Variants in CLSTN1 observed in about 807,000 individuals in gnomAD.
The protein encoded by CLSTN1 is calsyntenin 1.
Under a neutral mutation model 108.3 loss-of-function variants are expected in CLSTN1, and 28 were observed. The observed-to-expected ratio is 0.26, with a 90% confidence interval of 0.19 to 0.35. The LOEUF (loss-of-function observed/expected upper bound fraction) is 0.35, where lower values mean the gene tolerates loss of function less well. Ranked by LOEUF, CLSTN1 falls within the 10% of genes least tolerant of loss-of-function variation. The pLI, the probability that CLSTN1 is intolerant of heterozygous loss-of-function variation, is 1.00. For synonymous variants in CLSTN1, 524 were observed against 534.9 expected (o/e 0.98, Z 0.28); for missense variants, 1,157 against 1,302.6 (o/e 0.89, Z 1.72).
intron 12 of CLSTN1, 78 bp from the exon 13 acceptor site, chr1:9,735,693 AGGGGACTGGCCT>A: frequency 6.3e-7 from 1 of 1,585,698 alleles, no homozygotes; most frequent in South Asian, 1.1e-5. Flanking sequence ...GCCTCCACAA[AGGGGACTGGCCT>A]GGGTTCGATT....
At position 9,822,384 on chromosome 1, in the gene CLSTN1, C is replaced by G. The variant is rs146634483; in HGVS notation, c.91+1259G>C. Among the ~76,000 whole-genome samples, 99 of 152,286 alleles carry G rather than the reference C, an allele frequency of 6.5e-4. No individual in the cohort carries two copies. In the East Asian group the frequency reaches 7.9e-3, roughly 12 times the overall value. On this transcript the variant is annotated intron_variant, in intron 1 of 18. Transcript: ENST00000377298. ...AGAAAGGAACATGGAACAAAAGATG[C>G]ATTTGCCGCCTCTGCCCTTTAATTC...
At chr1:9,817,494 A>C (rs531351088) in intron 1 of CLSTN1, among the ~76,000 whole-genome samples, 57 of 151,906 alleles carry the variant, frequency 3.8e-4, no homozygotes, top group Non-Finnish European at 7.7e-4. Context: ...CACCCGGCTA[A>C]TTTTATATTT....
intron 1 of CLSTN1, among the ~76,000 whole-genome samples, chr1:9,778,671 C>T (rs978225017): frequency 1.3e-5 from 2 of 151,948 alleles, no homozygotes; most frequent in Non-Finnish European, 2.9e-5. Context: ...CTTTGAAATC[C>T]GTCTTCTCCC....
chr1:9,822,422 C>G (rs557180606), intron 1 of CLSTN1, among the ~76,000 whole-genome samples: 1 of 152,308 alleles, frequency 6.6e-6, no homozygotes, highest in East Asian at 1.9e-4. Flanking sequence ...GAACACCATA[C>G]TTCTCTCCTT....
intron 1 of CLSTN1, among the ~76,000 whole-genome samples, chr1:9,813,705 TTA>T (rs1463122683): frequency 1.3e-5 from 2 of 152,180 alleles, no homozygotes; most frequent in Non-Finnish European, 2.9e-5. Context: ...TAAAAGCCAC[TTA>T]ATAGACAACC....
chr1:9,756,857 T>G (rs954796442), intron 2 of CLSTN1, among the ~76,000 whole-genome samples: 11 of 152,308 alleles, frequency 7.2e-5, no homozygotes, highest in Admixed American at 7.2e-4. Flanking sequence ...CTCGGCTCAC[T>G]GCAAGCTCCG....
chr1:9,736,129 C>A, intron 11 of CLSTN1, 87 bp from the exon 12 acceptor site: 12 of 1,539,252 alleles, frequency 7.8e-6, no homozygotes, highest in Non-Finnish European at 9.8e-6. Flanking sequence ...GTTACCGGTG[C>A]TGGCAGCTCA....
rs765583586 is a variant in CLSTN1 at position 9,808,236 on chromosome 1, G to A, written c.91+15407C>T. 2.4e-4 allele frequency among the ~76,000 whole-genome samples: 36 copies of A among 152,122 alleles called. 1 individual carries two copies. The highest frequency in any genetic ancestry group is 7.2e-4 in the Admixed American group (11 of 15,264). ...CACAAATACTGTATTTTCCATTCAC[G>A]TTTGGTTGAAAAAATCCACTTATAA... On this transcript the variant is annotated intron_variant, in intron 1 of 18. Transcript: ENST00000377298.
At position 9,823,402 on chromosome 1, in the gene CLSTN1, A is replaced by G. The variant is rs1655267508; in HGVS notation, c.91+241T>C. The stretch of plus-strand genomic sequence containing the variant: ...AGCCTGGCTTCCCCGGGACGCCTGC[A>G]GCGCGCGCCCACAGTCTCCTGCGCC... On this transcript the variant is annotated intron_variant, in intron 1 of 18. Coordinates refer to ENST00000377298, the MANE Select transcript of CLSTN1 (RefSeq NM_001009566.3). This position sits in a 1 kb window ranked among gnomAD's most constrained non-coding sequence, Gnocchi z 6.3. Among the ~76,000 whole-genome samples the G allele has an allele frequency of 6.6e-6, 1 of 151,974 alleles. No individual in the cohort carries two copies. Among genetic ancestry groups the G allele is most frequent in the Non-Finnish European group, 1.5e-5 (1 of 67,958 alleles).
chr1:9,734,116 TCTC>T lies in CLSTN1; in HGVS notation c.2134_2136del (p.Glu712del), dbSNP rs1458250567. 6.2e-7 allele frequency: 1 copy of T among 1,613,746 alleles called. No individual in the cohort carries two copies. Among genetic ancestry groups the T allele is most frequent in the African/African-American group, 1.3e-5 (1 of 74,838 alleles). On this transcript the variant is annotated inframe_deletion, in exon 15 of 19. Transcript: ENST00000377298. This position sits in a 1 kb window ranked among gnomAD's most constrained non-coding sequence, Gnocchi z 4.8. ...TCACAGGTATCCAGGTCGTGCACGA[TCTC>T]CTCGGACACCAGTGATTCTTGAACT...
rs1258457285 is a variant in CLSTN1 at position 9,734,834 on chromosome 1, C to T, written c.2110+114G>A. 25 of 866,496 alleles carry T rather than the reference C, an allele frequency of 2.9e-5. No homozygotes were observed. In the East Asian group the frequency reaches 4.1e-4, roughly 14 times the overall value. 53.7% of individuals were successfully genotyped at this position (866,496 alleles called of 1,614,324 possible). A position where few individuals can be genotyped will look rare whatever the true frequency, so the allele number is the denominator to read the frequency against. On this transcript the variant is annotated intron_variant, in intron 14 of 18. Transcript: ENST00000377298. This position sits in a 1 kb window ranked among gnomAD's most constrained non-coding sequence, Gnocchi z 4.8. ...AGAAGCACACCCGAGAGAACACCAACGAAAGATTAAAACCTCCCCAAATCC... is the reference window on the plus strand; with the variant it reads ...AGAAGCACACCCGAGAGAACACCAATGAAAGATTAAAACCTCCCCAAATCC...
In CLSTN1 at chr1:9,817,423, G is replaced by A. The variant is rs1655015559; in HGVS notation, c.91+6220C>T. 2.0e-5 allele frequency among the ~76,000 whole-genome samples: 3 copies of A among 152,076 alleles called. No individual in the cohort carries two copies. In the South Asian group the frequency reaches 6.2e-4, roughly 31 times the overall value. On this transcript the variant is annotated intron_variant, in intron 1 of 18. Coordinates refer to ENST00000377298, the MANE Select transcript of CLSTN1 (RefSeq NM_001009566.3). ...GCTCACCGCAACCTCCACCTCCTGGGTTCAAGCAATTCTCCTGCCTCAGCC... is the reference window on the plus strand; with the variant it reads ...GCTCACCGCAACCTCCACCTCCTGGATTCAAGCAATTCTCCTGCCTCAGCC...
At chr1:9,815,333 G>A (rs1654927950) in intron 1 of CLSTN1, among the ~76,000 whole-genome samples, 1 of 152,224 alleles carries the variant, frequency 6.6e-6, no homozygotes, top group Non-Finnish European at 1.5e-5. Context: ...AAGAACATAT[G>A]AGGAAATGTC....
At position 9,730,547 on chromosome 1, in the gene CLSTN1, C is replaced by G; in HGVS notation, c.2907G>C (p.Gln969His). ...TGGAGTCATCCCACTCCAGCTGCTGCTGCCGGGTTGCGTTCTGGGGGTCGC... is the reference window on the plus strand; with the variant it reads ...TGGAGTCATCCCACTCCAGCTGCTGGTGCCGGGTTGCGTTCTGGGGGTCGC... Reference protein sequence around the residue: ...EQGDPQNATRQQQLEWDDSTL... With the variant: ...EQGDPQNATRHQQLEWDDSTL... Residue 969 changes from glutamine (Q) to histidine (H), a missense_variant, in exon 19 of 19, where the codon CAG (glutamine) becomes CAC (histidine). By Grantham distance (24) the Gln-to-His change is conservative. Transcript: ENST00000377298. This position sits in a 1 kb window ranked among gnomAD's most constrained non-coding sequence, Gnocchi z 5.6. 1 of 1,607,458 alleles carries G rather than the reference C, an allele frequency of 6.2e-7. No homozygotes were observed. Among genetic ancestry groups the G allele is most frequent in the South Asian group, 1.1e-5 (1 of 91,070 alleles).
At chr1:9,809,828 G>A (rs1231987314) in intron 1 of CLSTN1, among the ~76,000 whole-genome samples, 1 of 146,802 alleles carries the variant, frequency 6.8e-6, no homozygotes, top group African/African-American at 2.5e-5. Context: ...TGGAACCTGG[G>A]GGACAGAGGT....
chr1:9,771,278 G>T (rs1020511410), intron 2 of CLSTN1, among the ~76,000 whole-genome samples: 1 of 152,010 alleles, frequency 6.6e-6, no homozygotes, highest in South Asian at 2.1e-4. Flanking sequence ...CCAGGAGTTC[G>T]AGACCAGCCT....
At chr1:9,791,357 C>G (rs1157661984) in intron 1 of CLSTN1, among the ~76,000 whole-genome samples, 3 of 151,258 alleles carry the variant, frequency 2.0e-5, no homozygotes, top group Admixed American at 1.3e-4. Flanking sequence ...ATCCTTCTGC[C>G]TCAGCCTCCC....
intron 1 of CLSTN1, among the ~76,000 whole-genome samples, chr1:9,788,589 C>T (rs1653604961): frequency 6.7e-6 from 1 of 150,166 alleles, no homozygotes; most frequent in African/African-American, 2.4e-5. Flanking sequence ...AATTTGAGGC[C>T]GGGCGCAGTG....
chr1:9,814,036 A>G (rs563262962), intron 1 of CLSTN1, among the ~76,000 whole-genome samples: 1 of 152,016 alleles, frequency 6.6e-6, no homozygotes, highest in Admixed American at 6.6e-5. Flanking sequence ...TGGGAGAAGG[A>G]GCTTGCAGTG....
Sources: gnomAD v4.1 joint callset for allele counts (sites outside exome capture counted in the v4.1 genomes callset) on GRCh38, gnomAD v4.1.1 for gene constraint, Gnocchi (gnomAD v3.1) non-coding constraint, MANE v1.5 for transcripts, NCBI Gene and HGNC (gene_info 2026-07-23, HGNC 2026-07-21) for gene names.